The following ARHGAP44 variants were observed in gnomAD, a reference collection of about 807,000 sequenced individuals.
ARHGAP44 encodes Rho GTPase activating protein 44, also known as rho GTPase-activating protein 44.
In ARHGAP44, 43 loss-of-function variants were observed where a neutral mutation model predicts 106.8. That is an observed-to-expected ratio of 0.40 (90% CI 0.32 to 0.52). The LOEUF (loss-of-function observed/expected upper bound fraction) is 0.52, where lower values mean the gene tolerates loss of function less well. Among genes scored for constraint, ARHGAP44 ranks in the 20% least tolerant of loss-of-function variants. ARHGAP44 has a pLI of 0.48. For missense variants in ARHGAP44, 866 were observed against 1,050.5 expected (o/e 0.82, Z 2.43); for synonymous variants, 439 against 410.3 (o/e 1.07, Z -0.85).
intron 6 of ARHGAP44, among the ~76,000 whole-genome samples, chr17:12,925,211 T>C (rs2038196896): frequency 6.6e-6 from 1 of 152,176 alleles, no homozygotes; most frequent in South Asian, 2.1e-4. Flanking sequence ...AAAGAGGGAC[T>C]CCATTTGTCT....
At chr17:12,904,199 C>T (rs914878026) in intron 3 of ARHGAP44, among the ~76,000 whole-genome samples, 3 of 152,114 alleles carry the variant, frequency 2.0e-5, no homozygotes, top group Non-Finnish European at 4.4e-5. Context: ...CTCTGCCTCC[C>T]AGGTTCAAGC....
intron 13 of ARHGAP44, among the ~76,000 whole-genome samples, chr17:12,955,513 A>G (rs1214813739): frequency 2.6e-5 from 4 of 152,186 alleles, no homozygotes; most frequent in African/African-American, 9.6e-5. Flanking sequence ...ACTTAGACAT[A>G]CTGCTTATCA....
At chr17:12,885,873 A>G (rs372971777) in intron 1 of ARHGAP44, among the ~76,000 whole-genome samples, 42 of 152,104 alleles carry the variant, frequency 2.8e-4, no homozygotes, top group African/African-American at 9.2e-4. Flanking sequence ...AGTCTAATGT[A>G]TCATTTTTTT....
At chr17:12,890,028 A>G (rs935977597) in intron 1 of ARHGAP44, among the ~76,000 whole-genome samples, 1 of 152,234 alleles carries the variant, frequency 6.6e-6, no homozygotes, top group African/African-American at 2.4e-5. Context: ...TCCTGTTTTC[A>G]TGGTTTTGCT....
At chr17:12,841,594 TCACACACACACACA>T (rs545804542) in intron 1 of ARHGAP44, among the ~76,000 whole-genome samples, 2 of 126,516 alleles carry the variant, frequency 1.6e-5, no homozygotes, top group African/African-American at 3.5e-5. Context: ...TGTCTCTCTC[TCACACACACACACA>T]CACACACACA....
At chr17:12,867,093 T>C (rs1462958333) in intron 1 of ARHGAP44, among the ~76,000 whole-genome samples, 2 of 151,420 alleles carry the variant, frequency 1.3e-5, no homozygotes, top group Non-Finnish European at 2.9e-5. Flanking sequence ...TTATGAAGAA[T>C]GTGGAATTAC....
chr17:12,988,731 C>G (rs942788757), intron 20 of ARHGAP44: 13 of 152,258 alleles, frequency 8.5e-5, no homozygotes, highest in African/African-American at 2.7e-4. Context: ...TGTTCCCTTC[C>G]TCTGCCTCCT....
intron 1 of ARHGAP44, among the ~76,000 whole-genome samples, chr17:12,859,274 C>T (rs143363801): frequency 0.011 from 1,624 of 152,286 alleles, 23 homozygotes; most frequent in African/African-American, 0.037. Flanking sequence ...CCTCACAGCC[C>T]TTGGAAGAAC....
At chr17:12,823,909 C>T (rs1597893616) in intron 1 of ARHGAP44, among the ~76,000 whole-genome samples, 1 of 152,170 alleles carries the variant, frequency 6.6e-6, no homozygotes, top group South Asian at 2.1e-4. Flanking sequence ...GTATCAAAGT[C>T]ACCGAACTCC....
chr17:12,934,362 A>G (rs1274722254), intron 7 of ARHGAP44, among the ~76,000 whole-genome samples: 1 of 152,222 alleles, frequency 6.6e-6, no homozygotes, highest in Non-Finnish European at 1.5e-5. Flanking sequence ...TGAAGAGCAC[A>G]TATATTGTTA....
intron 1 of ARHGAP44, among the ~76,000 whole-genome samples, chr17:12,838,151 A>G (rs2035290885): frequency 6.6e-6 from 1 of 152,176 alleles, no homozygotes; most frequent in African/African-American, 2.4e-5. Flanking sequence ...TATACATCTT[A>G]TTTAAGAGTA....
In ARHGAP44 at chr17:12,841,406, C is replaced by T. The variant is rs2035387167; in HGVS notation, c.53+51515C>T. ...TTGAGCTCAGGAGTCCGAGACCAGC[C>T]TGGGCAACATAGTAAAACCCCATCT... On this transcript the variant is annotated intron_variant, in intron 1 of 20. Coordinates refer to ENST00000379672, the MANE Select transcript of ARHGAP44 (RefSeq NM_014859.6). Among the ~76,000 whole-genome samples the T allele has an allele frequency of 2.0e-5, 3 of 152,008 alleles. No individual in the cohort carries two copies. The South Asian group carries it at 6.2e-4, about 32-fold the overall frequency.
At chr17:12,911,919 C>T (rs537764661) in intron 4 of ARHGAP44, among the ~76,000 whole-genome samples, 1 of 152,234 alleles carries the variant, frequency 6.6e-6, no homozygotes, top group African/African-American at 2.4e-5. Context: ...AAAGGAAGGA[C>T]CTAAAGATCT....
chr17:12,886,269 A>G (rs1472010484), intron 1 of ARHGAP44, among the ~76,000 whole-genome samples: 8 of 152,198 alleles, frequency 5.3e-5, no homozygotes, highest in Non-Finnish European at 1.2e-4. Context: ...ACATTGGATC[A>G]TGTGAGTCCT....
At chr17:12,813,332 C>A (rs1169750232) in intron 1 of ARHGAP44, among the ~76,000 whole-genome samples, 2 of 148,400 alleles carry the variant, frequency 1.3e-5, no homozygotes, top group Admixed American at 6.7e-5. Context: ...AGATAAAGAG[C>A]AAATCAAAAG....
intron 1 of ARHGAP44, among the ~76,000 whole-genome samples, chr17:12,798,268 C>T (rs548753356): frequency 5.9e-5 from 9 of 152,160 alleles, no homozygotes; most frequent in Non-Finnish European, 1.3e-4. Context: ...GCATTCATGT[C>T]TTATTAACCT....
chr17:12,868,753 G>A (rs898685116), intron 1 of ARHGAP44, among the ~76,000 whole-genome samples: 5 of 150,948 alleles, frequency 3.3e-5, no homozygotes, highest in African/African-American at 1.2e-4. Context: ...CACCTCCCGG[G>A]TTCAAGCAGT....
At chr17:12,825,237 C>T (rs769405581) in intron 1 of ARHGAP44, among the ~76,000 whole-genome samples, 3 of 152,000 alleles carry the variant, frequency 2.0e-5, no homozygotes, top group African/African-American at 4.8e-5. Flanking sequence ...GGGGTTTTGT[C>T]ATGTTGCCCA....
chr17:12,940,896 C>T lies in ARHGAP44; in HGVS notation c.583-160C>T, dbSNP rs185756156. ...ACGCATTTTTCAGAGTTGTGGTTGA[C>T]AAATATGCAAATGCCCATGGAAAGT... On this transcript the variant is annotated intron_variant, in intron 7 of 20. Coordinates refer to ENST00000379672, the MANE Select transcript of ARHGAP44 (RefSeq NM_014859.6). Among the ~76,000 whole-genome samples, 387 of 152,252 alleles carry T rather than the reference C, an allele frequency of 2.5e-3. 2 individuals are homozygous for T. Among genetic ancestry groups the T allele is most frequent in the African/African-American group, 8.7e-3 (361 of 41,538 alleles).
Sources: allele counts gnomAD v4.1 joint callset (sites outside exome capture counted in the v4.1 genomes callset), GRCh38; gene constraint gnomAD v4.1.1; transcripts MANE v1.5; gene names NCBI Gene and HGNC (gene_info 2026-07-23, HGNC 2026-07-21).